The following RRP12 variants were observed in gnomAD, a reference collection of about 807,000 sequenced individuals.
RRP12 encodes the protein RRP12-like protein.
A neutral mutation model predicts 157.3 loss-of-function variants in RRP12; 78 were observed. The ratio of observed to expected loss-of-function variants is 0.50; its 90% CI spans 0.41 to 0.60. The LOEUF (loss-of-function observed/expected upper bound fraction) is 0.60, where lower values mean the gene tolerates loss of function less well. Ranked by LOEUF, RRP12 falls within the 20% of genes least tolerant of loss-of-function variation. The pLI, the probability that RRP12 is intolerant of heterozygous loss-of-function variation, is 0.00. For missense variants in RRP12, 1,521 were observed against 1,679.9 expected, an observed-to-expected ratio of 0.91 and a Z score of 1.65; for synonymous variants, 726 against 670.9, an observed-to-expected ratio of 1.08 and a Z score of -1.27.
chr10:97,366,533 G>T lies in RRP12; in HGVS notation c.3304C>A (p.Arg1102=). ...TTCAGCCATGCCCGGCTCCTCTGTC[G>T]TGCCAGCTTCCGCTGCTCCTTGCCT... ...SRGKEQRKLA[R]QRSRAWLKEG... is the part of the protein sequence containing the mutation. The change falls in exon 28 of 34, where the codon CGA becomes AGA. Residue 1102 remains arginine (R), a synonymous_variant. Transcript: ENST00000370992. 1 of 1,614,074 alleles carries T rather than the reference G, an allele frequency of 6.2e-7. No homozygotes were observed. The highest frequency in any genetic ancestry group is 8.5e-7 in the Non-Finnish European group (1 of 1,180,038).
At chr10:97,379,066 C>T (rs1009810530) in intron 15 of RRP12, among the ~76,000 whole-genome samples, 3 of 152,248 alleles carry the variant, frequency 2.0e-5, no homozygotes, top group African/African-American at 7.2e-5. Flanking sequence ...CAGCTCCTGT[C>T]TCACAGGGCA....
intron 6 of RRP12, among the ~76,000 whole-genome samples, chr10:97,390,138 C>T (rs1248561159): frequency 6.6e-6 from 1 of 152,216 alleles, no homozygotes; most frequent in Non-Finnish European, 1.5e-5. Context: ...AACTATGCCA[C>T]CCTCCCTGCC....
At position 97,386,104 on chromosome 10, in the gene RRP12, A is replaced by G; in HGVS notation, c.1018-111T>C. On this transcript the variant is annotated intron_variant, in intron 8 of 33. Coordinates refer to ENST00000370992, the MANE Select transcript of RRP12 (RefSeq NM_015179.4). ...GTTGAGGGCCCCCTGAACCTCACACATGCCCCCCACACAGAGACACCCTGA... is the reference window on the plus strand; with the variant it reads ...GTTGAGGGCCCCCTGAACCTCACACGTGCCCCCCACACAGAGACACCCTGA... 4.5e-6 allele frequency: 3 copies of G among 667,410 alleles called. No individual in the cohort carries two copies. In the South Asian group the frequency reaches 5.1e-5, roughly 11 times the overall value. The allele number at this position is 667,410 out of a possible 1,614,324, so 41.3% of individuals were successfully genotyped here. A position where few individuals can be genotyped will look rare whatever the true frequency, so the allele number is the denominator to read the frequency against.
rs560737437 is a variant in RRP12 at position 97,385,042 on chromosome 10, C to A, written c.1208+124G>T. On this transcript the variant is annotated intron_variant, in intron 10 of 33. Transcript: ENST00000370992. ...TGGACACAGGCCCTAAGGACCCCCC[C>A]AACCTTGGCAGCCAGGATGAAGGCC... 1.3e-5 allele frequency: 9 copies of A among 676,360 alleles called. No homozygotes were observed. The South Asian group carries it at 1.5e-4, about 11-fold the overall frequency. 41.9% of individuals were successfully genotyped at this position (676,360 alleles called of 1,614,324 possible). A position where few individuals can be genotyped will look rare whatever the true frequency, so the allele number is the denominator to read the frequency against.
intron 10 of RRP12, among the ~76,000 whole-genome samples, chr10:97,383,939 T>A (rs1451936406): frequency 6.6e-6 from 1 of 152,186 alleles, no homozygotes; most frequent in Non-Finnish European, 1.5e-5. Flanking sequence ...AATCAGACCC[T>A]GTCAGAACGA....
intron 2 of RRP12, among the ~76,000 whole-genome samples, 153 bp from the exon 3 acceptor site, chr10:97,396,454 G>C (rs1485443562): frequency 6.6e-6 from 1 of 152,152 alleles, no homozygotes; most frequent in Non-Finnish European, 1.5e-5. Context: ...ATACCAGGGG[G>C]CCCAGCAAAT....
intron 3 of RRP12, among the ~76,000 whole-genome samples, chr10:97,395,025 T>C (rs7903562): frequency 0.41 from 62,468 of 151,408 alleles, 13,894 homozygotes; most frequent in African/African-American, 0.59. Context: ...CGCCTGTAAT[T>C]CCAACTACTC....
rs991313811 is a variant in RRP12, at chr10:97,371,029, C to T, written c.2396G>A (p.Cys799Tyr). Residue 799 changes from cysteine to tyrosine, a missense_variant, in exon 21 of 34, where the codon TGT becomes TAT. By Grantham distance (194) the Cys-to-Tyr change is radical (BLOSUM62 -2). Transcript: ENST00000370992. Reference protein sequence around the residue: ...KKAYRVLEEVCASPQGPGALF... With the variant: ...KKAYRVLEEVYASPQGPGALF... ...GGCCCCGGGGCCCTGAGGACTGGCA[C>T]ACACCTCCTCCAGCACTCGGTAGGC... 1 of 1,613,840 alleles carries T rather than the reference C, an allele frequency of 6.2e-7. No individual in the cohort carries two copies. Among genetic ancestry groups the T allele is most frequent in the Admixed American group, 1.7e-5 (1 of 60,000 alleles).
At chr10:97,400,160 G>A in intron 2 of RRP12, 145 bp downstream of exon 2, 1 of 677,554 alleles carries the variant, frequency 1.5e-6, no homozygotes, top group South Asian at 1.7e-5. Context: ...ACCTGCCCTA[G>A]GAGGAGACAT....
At chr10:97,374,758 C>A (rs1352125924) in intron 15 of RRP12, among the ~76,000 whole-genome samples, 1 of 122,048 alleles carries the variant, frequency 8.2e-6, no homozygotes, top group Admixed American at 1.0e-4. Flanking sequence ...GGTGACGGAG[C>A]GAGACTCTGT....
chr10:97,396,908 G>A (rs1156748485), intron 2 of RRP12, among the ~76,000 whole-genome samples: 1 of 151,988 alleles, frequency 6.6e-6, no homozygotes, highest in Non-Finnish European at 1.5e-5. Context: ...GGGATTACAG[G>A]TGTGCACCAC....
chr10:97,364,235 C>T (rs1026477293), intron 29 of RRP12, among the ~76,000 whole-genome samples: 3 of 152,122 alleles, frequency 2.0e-5, no homozygotes, highest in Non-Finnish European at 1.5e-5. Flanking sequence ...CCCAGGTTTC[C>T]GGGGGAGTCA....
At position 97,388,572 on chromosome 10, in the gene RRP12, A is replaced by C; in HGVS notation, c.806T>G (p.Phe269Cys). The change falls in exon 7 of 34, where the codon TTC becomes TGC. Residue 269 changes from phenylalanine (F) to cysteine (C), a missense_variant. Coordinates refer to ENST00000370992, the MANE Select transcript of RRP12 (RefSeq NM_015179.4). ...GVCSVLKGSE[F>C]MFEKAPAHHP... Reference sequence around the variant, plus strand: ...ATGGGCAGGGGCCTTTTCAAACATGAATTCACTGCCCTTGAGGACTGAGCA... The same window carrying C: ...ATGGGCAGGGGCCTTTTCAAACATGCATTCACTGCCCTTGAGGACTGAGCA... 2 of 1,614,138 alleles carry C rather than the reference A, an allele frequency of 1.2e-6. No individual in the cohort carries two copies. Among genetic ancestry groups the C allele is most frequent in the South Asian group, 1.1e-5 (1 of 91,078 alleles).
rs972937754 is a variant in RRP12, at chr10:97,373,644, C to G, written c.1957G>C (p.Glu653Gln). The G allele has an allele frequency of 1.2e-6, 2 of 1,613,736 alleles. No individual in the cohort carries two copies. The highest frequency in any genetic ancestry group is 2.2e-5 in the South Asian group (2 of 91,042). Reference protein sequence around the residue: ...LARTLGMAISERPDLRVTVCQ... With the variant: ...LARTLGMAISQRPDLRVTVCQ... ...ACGGTGACCCTCAGGTCTGGACGCTCGCTGATGGCCATGCCCAGCGTCCGT... is the reference window on the plus strand; with the variant it reads ...ACGGTGACCCTCAGGTCTGGACGCTGGCTGATGGCCATGCCCAGCGTCCGT... The change falls in exon 17 of 34, where the codon GAG becomes CAG. Residue 653 changes from glutamate to glutamine, a missense_variant. Transcript: ENST00000370992.
chr10:97,357,214 G>T lies in RRP12; in HGVS notation c.3792-18C>A. ...TCTTCTTCCTGCAGGGCCAAGGAAC[G>T]GAAGGGTCACATCTGGCTGAGAATA... On this transcript the variant is annotated intron_variant, in intron 33 of 33. Transcript: ENST00000370992. 6.6e-7 allele frequency: 1 copy of T among 1,525,236 alleles called. No individual in the cohort carries two copies. The highest frequency in any genetic ancestry group is 2.3e-5 in the East Asian group (1 of 43,980). The allele number at this position is 1,525,236 out of a possible 1,614,324, so 94.5% of individuals were successfully genotyped here. A position where few individuals can be genotyped will look rare whatever the true frequency, so the allele number is the denominator to read the frequency against.
At chr10:97,387,135 T>G (rs1308978185) in intron 8 of RRP12, among the ~76,000 whole-genome samples, 1 of 152,046 alleles carries the variant, frequency 6.6e-6, no homozygotes, top group Non-Finnish European at 1.5e-5. Flanking sequence ...CCTACACGCA[T>G]CCTCCCATAC....
intron 30 of RRP12, 85 bp downstream of exon 30, chr10:97,363,769 A>G (rs1589411195): frequency 1.6e-6 from 2 of 1,227,712 alleles, no homozygotes; most frequent in East Asian, 4.6e-5. Context: ...GGCAGTTCCA[A>G]TGTCTACGTG....
At chr10:97,367,169 C>A (rs7896111) in intron 25 of RRP12, 37 bp from the exon 26 acceptor site, 11 of 1,572,798 alleles carry the variant, frequency 7.0e-6, no homozygotes, top group East Asian at 4.5e-5. Context: ...GGGAGGCGAG[C>A]CTTCCATGCT....
At chr10:97,388,231 A>G (rs1215059701) in intron 8 of RRP12, 21 bp downstream of exon 8, 1 of 1,613,324 alleles carries the variant, frequency 6.2e-7, no homozygotes, top group Admixed American at 1.7e-5. Flanking sequence ...CCCTTTCTCC[A>G]GCTTTTGGGC....
Sources: allele counts gnomAD v4.1 joint callset (sites outside exome capture counted in the v4.1 genomes callset), GRCh38; gene constraint gnomAD v4.1.1; transcripts MANE v1.5; gene names NCBI Gene and HGNC (gene_info 2026-07-23, HGNC 2026-07-21).